The following OXR1 variants were observed in gnomAD, a reference collection of about 807,000 sequenced individuals.
OXR1 encodes oxidation resistance protein 1.
Under a neutral mutation model 104.6 loss-of-function variants are expected in OXR1, and 41 were observed. The observed-to-expected ratio is 0.39, with a 90% confidence interval of 0.31 to 0.51. The LOEUF (loss-of-function observed/expected upper bound fraction) is 0.51, where lower values mean the gene tolerates loss of function less well. OXR1 is among the 20% of genes least tolerant of loss of function. The pLI is 0.77. For synonymous variants in OXR1, 348 were observed against 348.4 expected (o/e 1.00, Z 0.01); for missense variants, 955 against 1,031.9 (o/e 0.93, Z 1.02).
chr8:106,486,158 A>G (rs1810638804), intron 2 of OXR1, among the ~76,000 whole-genome samples: 1 of 152,144 alleles, frequency 6.6e-6, no homozygotes, highest in African/African-American at 2.4e-5. Context: ...TACATGTGTT[A>G]ATTCTCCTGA....
At chr8:106,607,821 T>C (rs969633935) in intron 3 of OXR1, among the ~76,000 whole-genome samples, 2 of 152,060 alleles carry the variant, frequency 1.3e-5, no homozygotes, top group Non-Finnish European at 2.9e-5. Flanking sequence ...TTTTCTTTTT[T>C]TTTTTTACTA....
At chr8:106,339,523 T>A (rs1334699852) in intron 1 of OXR1, among the ~76,000 whole-genome samples, 832 of 17,308 alleles carry the variant, frequency 0.048, 66 homozygotes, top group Middle Eastern at 0.17. Flanking sequence ...AAAAAAAATA[T>A]ATATATATAT....
intron 1 of OXR1, among the ~76,000 whole-genome samples, chr8:106,302,913 G>A (rs1586495646): frequency 6.6e-6 from 1 of 151,670 alleles, no homozygotes; most frequent in African/African-American, 2.4e-5. Flanking sequence ...CACCAGGCCC[G>A]GCTAATTTTT....
At chr8:106,704,027 A>G (rs1019317793) in intron 8 of OXR1, among the ~76,000 whole-genome samples, 1 of 152,196 alleles carries the variant, frequency 6.6e-6, no homozygotes, top group African/African-American at 2.4e-5. Flanking sequence ...TCTGAGGAAG[A>G]CTAAATGAAT....
At chr8:106,296,232 G>C (rs920034000) in intron 1 of OXR1, among the ~76,000 whole-genome samples, 7 of 152,098 alleles carry the variant, frequency 4.6e-5, no homozygotes, top group African/African-American at 1.7e-4. Flanking sequence ...GCAATCAATT[G>C]TTCTATCAAC....
At chr8:106,538,226 G>A (rs1300245672) in intron 3 of OXR1, among the ~76,000 whole-genome samples, 1 of 151,976 alleles carries the variant, frequency 6.6e-6, no homozygotes, top group Non-Finnish European at 1.5e-5. Flanking sequence ...ACCCCTTTAG[G>A]CCTCAAATTC....
intron 2 of OXR1, among the ~76,000 whole-genome samples, chr8:106,505,459 G>A (rs1437841241): frequency 6.6e-6 from 1 of 152,198 alleles, no homozygotes; most frequent in Non-Finnish European, 1.5e-5. Context: ...CTAATGAAAT[G>A]AGAGAGACAG....
chr8:106,623,414 T>C (rs756208885), intron 3 of OXR1, among the ~76,000 whole-genome samples: 13 of 151,826 alleles, frequency 8.6e-5, no homozygotes, highest in African/African-American at 3.1e-4. Context: ...TAGGGAAAAG[T>C]ATGAAATGAA....
intron 1 of OXR1, among the ~76,000 whole-genome samples, chr8:106,317,023 A>G (rs1025741857): frequency 4.6e-5 from 7 of 152,098 alleles, no homozygotes; most frequent in Non-Finnish European, 1.0e-4. Context: ...GGCATGTGTC[A>G]CCATGCCCAG....
At chr8:106,366,209 A>G (rs1201154406) in intron 2 of OXR1, among the ~76,000 whole-genome samples, 3 of 152,224 alleles carry the variant, frequency 2.0e-5, no homozygotes, top group Non-Finnish European at 2.9e-5. Context: ...ATCCAGGTCA[A>G]ATAATTTAGA....
chr8:106,752,139 T>C lies in OXR1; in HGVS notation c.*1198T>C, dbSNP rs1835927249. The C allele has an allele frequency of 6.6e-6, 1 of 152,596 alleles. No individual in the cohort carries two copies. Among genetic ancestry groups the C allele is most frequent in the Non-Finnish European group, 1.5e-5 (1 of 67,968 alleles). 9.5% of individuals were successfully genotyped at this position (152,596 alleles called of 1,614,324 possible). ...CTTCATGTTATGCAAAAAAGAATCC[T>C]GCTGTTATACATGTGACAGTGACTT... On this transcript the variant is annotated 3_prime_UTR_variant, in exon 17 of 17. Transcript: ENST00000517566.
At chr8:106,734,520 C>A (rs1834201802) in intron 11 of OXR1, among the ~76,000 whole-genome samples, 1 of 152,066 alleles carries the variant, frequency 6.6e-6, no homozygotes, top group African/African-American at 2.4e-5. Context: ...GTGTGCAAGA[C>A]ATTGAAGAAA....
At chr8:106,358,956 TA>T (rs775780884) in intron 1 of OXR1, among the ~76,000 whole-genome samples, 6 of 150,412 alleles carry the variant, frequency 4.0e-5, no homozygotes, top group Non-Finnish European at 7.4e-5. Context: ...TTCACCGTCT[TA>T]TTTAGCGAAT....
chr8:106,692,579 A>G (rs969044105), intron 6 of OXR1, 149 bp from the exon 7 acceptor site: 2 of 461,202 alleles, frequency 4.3e-6, no homozygotes, highest in Admixed American at 7.7e-5. Context: ...TATAATTTGT[A>G]CGTAAAAATA....
rs184801883 is a variant in OXR1, at chr8:106,373,967, G to A, written c.23+14331G>A. Reference sequence around the variant, plus strand: ...GATGTAATAGGAATTACTTAAAATCGGCTCCTAGCCAAAGTAGTGTCAATG... The same window carrying A: ...GATGTAATAGGAATTACTTAAAATCAGCTCCTAGCCAAAGTAGTGTCAATG... On this transcript the variant is annotated intron_variant, in intron 2 of 16. Transcript: ENST00000517566. 8.5e-5 allele frequency among the ~76,000 whole-genome samples: 13 copies of A among 152,186 alleles called. No individual in the cohort carries two copies. In the East Asian group the frequency reaches 2.5e-3, roughly 29 times the overall value.
intron 1 of OXR1, among the ~76,000 whole-genome samples, chr8:106,333,677 A>G (rs1002568268): frequency 6.6e-6 from 1 of 152,120 alleles, no homozygotes; most frequent in African/African-American, 2.4e-5. Context: ...GTAGAGGTCC[A>G]ATCCACTTCT....
intron 3 of OXR1, among the ~76,000 whole-genome samples, chr8:106,623,751 G>C (rs1177112224): frequency 6.6e-6 from 1 of 152,160 alleles, no homozygotes; most frequent in Non-Finnish European, 1.5e-5. Context: ...CTTAGTATGA[G>C]AGAAGGTTTT....
At chr8:106,520,051 A>G (rs562895622) in intron 3 of OXR1, among the ~76,000 whole-genome samples, 1 of 152,108 alleles carries the variant, frequency 6.6e-6, no homozygotes, top group Non-Finnish European at 1.5e-5. Context: ...TGTTACTTCA[A>G]TTTGGAGAGA....
rs1319317935 is a variant in OXR1, at chr8:106,438,233, A to G, written c.23+78597A>G. Among the ~76,000 whole-genome samples, 3 of 152,130 alleles carry G rather than the reference A, an allele frequency of 2.0e-5. No individual in the cohort carries two copies. In the East Asian group the frequency reaches 5.8e-4, roughly 29 times the overall value. ...TTGTCAACCAATTATATTCAAATCC[A>G]GAGTCATCTAAATAAAGAAAGAGAT... is the stretch of plus-strand genomic sequence containing the variant. On this transcript the variant is annotated intron_variant, in intron 2 of 16. Transcript: ENST00000517566.
Sources: allele counts gnomAD v4.1 joint callset (sites outside exome capture counted in the v4.1 genomes callset), GRCh38; gene constraint gnomAD v4.1.1; transcripts MANE v1.5; gene names NCBI Gene and HGNC (gene_info 2026-07-23, HGNC 2026-07-21).